The following SRBD1 variants were observed in gnomAD, a reference collection of about 807,000 sequenced individuals.
The protein encoded by SRBD1 is S1 RNA binding domain 1.
Under a neutral mutation model 115.3 loss-of-function variants are expected in SRBD1, and 88 were observed. The observed-to-expected ratio is 0.76, with a 90% CI of 0.64 to 0.91. SRBD1 has a LOEUF of 0.91. SRBD1 is among the 40% of genes least tolerant of loss of function. The pLI is 0.00. For synonymous variants in SRBD1, 509 were observed against 407.7 expected (o/e 1.25, Z -2.99); for missense variants, 1,385 against 1,177.4 (o/e 1.18, Z -2.58).
chr2:45,505,460 T>G (rs1452740012), intron 14 of SRBD1, among the ~76,000 whole-genome samples: 3 of 152,144 alleles, frequency 2.0e-5, no homozygotes, highest in Non-Finnish European at 4.4e-5. Context: ...AACTCAAGGC[T>G]CTCACATAAG....
chr2:45,399,847 T>C (rs1373316863), intron 19 of SRBD1, among the ~76,000 whole-genome samples: 1 of 152,188 alleles, frequency 6.6e-6, no homozygotes, highest in Non-Finnish European at 1.5e-5. Context: ...ATTAATATAA[T>C]TTAATTTACT....
rs200176002 is a variant in SRBD1, at chr2:45,546,762, T to G, written c.1844A>C (p.Asn615Thr). 2 of 1,614,118 alleles carry G rather than the reference T, an allele frequency of 1.2e-6. No individual in the cohort carries two copies. Among genetic ancestry groups the G allele is most frequent in the East Asian group, 4.5e-5 (2 of 44,878 alleles). ...EAYFADLIMK[N>T]YFAPLDVVYC... Reference sequence around the variant, plus strand: ...AACAACATCCAGTGGTGCAAAATAATTCTTCATTATCAGGTCAGCAAAGTA... The same window carrying G: ...AACAACATCCAGTGGTGCAAAATAAGTCTTCATTATCAGGTCAGCAAAGTA... The change falls in exon 14 of 21, where the codon AAT becomes ACT. Residue 615 changes from asparagine to threonine, a missense_variant. Physicochemically the swap from Asn to Thr is moderately conservative, Grantham distance 65. Transcript: ENST00000263736.
chr2:45,538,386 G>T (rs976046759), intron 14 of SRBD1, among the ~76,000 whole-genome samples: 6 of 152,090 alleles, frequency 3.9e-5, no homozygotes, highest in Admixed American at 2.6e-4. Context: ...GTGAGTTAGG[G>T]AAAATAAGAA....
intron 14 of SRBD1, among the ~76,000 whole-genome samples, chr2:45,542,933 A>G (rs1010637101): frequency 2.0e-5 from 3 of 152,246 alleles, no homozygotes; most frequent in Non-Finnish European, 4.4e-5. Context: ...TCCATGAAAG[A>G]AGCCAATAAA....
chr2:45,559,264 T>G (rs768290755), intron 10 of SRBD1, among the ~76,000 whole-genome samples: 35 of 152,310 alleles, frequency 2.3e-4, no homozygotes, highest in Non-Finnish European at 3.1e-4. Context: ...AAAATCCTTA[T>G]TGGCTTCCCA....
At chr2:45,601,539 C>A (rs1314487151) in intron 3 of SRBD1, among the ~76,000 whole-genome samples, 1 of 152,206 alleles carries the variant, frequency 6.6e-6, no homozygotes, top group Non-Finnish European at 1.5e-5. Context: ...CACTTAACAT[C>A]TTTCTTCAGC....
Position 45,414,723 on chromosome 2 carries a change from CACACACAGTGTGTATATAGTATGT to C in SRBD1, c.2334-1454_2334-1431del, listed in dbSNP as rs1191373862. Reference sequence around the variant, plus strand: ...AGTGTGTATATAGTATGTATATACACACACACAGTGTGTATATAGTATGTACACACACACAGTGTGTATATAGTA... The same window carrying C: ...AGTGTGTATATAGTATGTATATACACACACACACACAGTGTGTATATAGTA... On this transcript the variant is annotated intron_variant, in intron 18 of 20. Coordinates refer to ENST00000263736, the MANE Select transcript of SRBD1 (RefSeq NM_018079.5). Among the ~76,000 whole-genome samples, 19 of 143,536 alleles carry C rather than the reference CACACACAGTGTGTATATAGTATGT, an allele frequency of 1.3e-4. No homozygotes were observed. The East Asian group carries it at 3.7e-3, about 28-fold the overall frequency. The allele number at this position is 143,536 out of a possible 152,430, so 94.2% of individuals were successfully genotyped here. A position where few individuals can be genotyped will look rare whatever the true frequency, so the allele number is the denominator to read the frequency against.
At chr2:45,549,286 CA>C (rs1672216251) in intron 12 of SRBD1, among the ~76,000 whole-genome samples, 2 of 125,778 alleles carry the variant, frequency 1.6e-5, no homozygotes, top group Non-Finnish European at 3.7e-5. Flanking sequence ...AACTATCTCT[CA>C]ATCCACACAG....
chr2:45,397,042 A>C (rs1558550927), intron 19 of SRBD1, among the ~76,000 whole-genome samples: 1 of 152,168 alleles, frequency 6.6e-6, no homozygotes, highest in Non-Finnish European at 1.5e-5. Flanking sequence ...GTCTATTTTT[A>C]CCCATTAGCT....
chr2:45,439,124 G>C (rs551977592), intron 16 of SRBD1, among the ~76,000 whole-genome samples: 2 of 151,922 alleles, frequency 1.3e-5, no homozygotes, highest in African/African-American at 4.8e-5. Context: ...ACAACCACTT[G>C]TCAACCTCAA....
chr2:45,608,822 AT>A (rs1198504872), intron 1 of SRBD1, among the ~76,000 whole-genome samples: 3,986 of 143,482 alleles, frequency 0.028, 63 homozygotes, highest in African/African-American at 0.044. Context: ...GAAAAAAAAA[AT>A]TTTTTTTTTT....
intron 15 of SRBD1, among the ~76,000 whole-genome samples, chr2:45,482,502 T>C (rs1669995614): frequency 6.6e-6 from 1 of 151,998 alleles, no homozygotes; most frequent in Non-Finnish European, 1.5e-5. Flanking sequence ...TACATAATTG[T>C]AGTTATAAGT....
intron 9 of SRBD1, among the ~76,000 whole-genome samples, chr2:45,563,757 C>A (rs563195128): frequency 6.6e-6 from 1 of 152,004 alleles, no homozygotes; most frequent in African/African-American, 2.4e-5. Context: ...CAAAAAGAAA[C>A]AGAAAATCTG....
chr2:45,459,296 C>A (rs796092364), intron 16 of SRBD1, among the ~76,000 whole-genome samples: 1 of 152,162 alleles, frequency 6.6e-6, no homozygotes, highest in East Asian at 1.9e-4. Flanking sequence ...CTGTGCAACA[C>A]GTCCTGTCAT....
intron 14 of SRBD1, among the ~76,000 whole-genome samples, chr2:45,512,139 G>C (rs762278496): frequency 4.0e-4 from 61 of 152,190 alleles, no homozygotes; most frequent in Non-Finnish European, 7.1e-4. Context: ...CAAGATATGA[G>C]TCTTGCCAAA....
intron 19 of SRBD1, among the ~76,000 whole-genome samples, chr2:45,397,834 A>G (rs1012951790): frequency 6.6e-6 from 1 of 152,178 alleles, no homozygotes; most frequent in Non-Finnish European, 1.5e-5. Flanking sequence ...TCTGGGCTCA[A>G]GAGATCCACC....
chr2:45,465,046 C>CACACACACACACACACACACAT (rs58921931), intron 16 of SRBD1, among the ~76,000 whole-genome samples: 2 of 141,516 alleles, frequency 1.4e-5, no homozygotes, highest in Admixed American at 7.0e-5. Flanking sequence ...CACACACACA[C>CACACACACACACACACACACAT]ACAGAGTCAT....
At chr2:45,421,368 G>A (rs377353444) in intron 16 of SRBD1, among the ~76,000 whole-genome samples, 2 of 151,580 alleles carry the variant, frequency 1.3e-5, no homozygotes, top group Admixed American at 6.6e-5. Context: ...TTAGCCGTGC[G>A]CCGTGGCGGA....
intron 12 of SRBD1, among the ~76,000 whole-genome samples, chr2:45,548,145 A>G (rs940090592): frequency 8.6e-5 from 13 of 151,850 alleles, no homozygotes; most frequent in African/African-American, 3.1e-4. Context: ...ATAACTACCT[A>G]AAGAATAAAA....
Sources: allele counts gnomAD v4.1 joint callset (sites outside exome capture counted in the v4.1 genomes callset), GRCh38; gene constraint gnomAD v4.1.1; transcripts MANE v1.5; gene names NCBI Gene and HGNC (gene_info 2026-07-23, HGNC 2026-07-21).